Variants in ARSB observed in about 807,000 individuals in gnomAD.
ARSB encodes the protein N-acetylgalactosamine-4-sulfatase.
Under a neutral mutation model 50.9 loss-of-function variants are expected in ARSB, and 41 were observed. The observed-to-expected ratio is 0.81, with a 90% CI of 0.63 to 1.04. The LOEUF is 1.04. Ranked by LOEUF, ARSB falls within the 50% of genes least tolerant of loss-of-function variation. The pLI is 0.00. For missense variants in ARSB, 672 were observed against 693.3 expected (o/e 0.97, Z 0.35); for synonymous variants, 269 against 284.8 (o/e 0.94, Z 0.56).
chr5:78,892,583 T>C (rs1450031020), intron 4 of ARSB, among the ~76,000 whole-genome samples: 1 of 152,184 alleles, frequency 6.6e-6, no homozygotes, highest in African/African-American at 2.4e-5. Context: ...AGGTAATTTC[T>C]TGAGAAGTGC....
chr5:78,931,524 T>C (rs1580078595), intron 4 of ARSB, among the ~76,000 whole-genome samples: 2 of 152,052 alleles, frequency 1.3e-5, no homozygotes, highest in African/African-American at 4.8e-5. Flanking sequence ...ATTTCACTGC[T>C]CATTAATATT....
intron 4 of ARSB, among the ~76,000 whole-genome samples, chr5:78,933,687 A>T (rs558146962): frequency 6.6e-6 from 1 of 152,148 alleles, no homozygotes; most frequent in East Asian, 1.9e-4. Flanking sequence ...AAGAATACTA[A>T]AAAATTTCAA....
chr5:78,846,000 G>C (rs1289868147), intron 5 of ARSB, among the ~76,000 whole-genome samples: 1 of 152,004 alleles, frequency 6.6e-6, no homozygotes, highest in Admixed American at 6.6e-5. Flanking sequence ...TCTTTCAGGA[G>C]TTTCATAGCT....
chr5:78,913,335 A>G (rs1193836913), intron 4 of ARSB, among the ~76,000 whole-genome samples: 1 of 152,008 alleles, frequency 6.6e-6, no homozygotes, highest in Non-Finnish European at 1.5e-5. Context: ...CGTGTTAGCC[A>G]GGATGGTCTC....
At chr5:78,860,698 A>G (rs1746392529) in intron 5 of ARSB, among the ~76,000 whole-genome samples, 2 of 152,252 alleles carry the variant, frequency 1.3e-5, no homozygotes, top group Non-Finnish European at 2.9e-5. Flanking sequence ...CACAATTAAA[A>G]GAACTAAAGA....
In ARSB at chr5:78,777,787, G is replaced by A. The variant is rs2112613982; in HGVS notation, c.*2610C>T. 1 of 146,944 alleles carries A rather than the reference G, an allele frequency of 6.8e-6. No homozygotes were observed. Among genetic ancestry groups the A allele is most frequent in the South Asian group, 2.2e-4 (1 of 4,618 alleles). The allele number at this position is 146,944 out of a possible 1,614,324, so 9.1% of individuals were successfully genotyped here. A position where few individuals can be genotyped will look rare whatever the true frequency, so the allele number is the denominator to read the frequency against. The stretch of plus-strand genomic sequence containing the variant: ...GAATAGCTTGAACCTGGGAGTTAGA[G>A]GCTGCAGTGAGCCGAGATCACACCA... On this transcript the variant is annotated 3_prime_UTR_variant, in exon 8 of 8. Coordinates refer to ENST00000264914, the MANE Select transcript of ARSB (RefSeq NM_000046.5).
At chr5:78,916,186 T>C (rs1246329110) in intron 4 of ARSB, among the ~76,000 whole-genome samples, 1 of 152,210 alleles carries the variant, frequency 6.6e-6, no homozygotes, top group East Asian at 1.9e-4. Context: ...CTACCTTACA[T>C]TTCTTTTAAG....
At chr5:78,871,194 T>C (rs935610294) in intron 5 of ARSB, among the ~76,000 whole-genome samples, 1 of 151,600 alleles carries the variant, frequency 6.6e-6, no homozygotes, top group African/African-American at 2.4e-5. Flanking sequence ...GAACATTCCA[T>C]GCTCATGGGT....
intron 5 of ARSB, among the ~76,000 whole-genome samples, chr5:78,840,735 CA>C (rs1359180846): frequency 6.8e-6 from 1 of 147,944 alleles, no homozygotes; most frequent in Non-Finnish European, 1.5e-5. Context: ...GAGAAACATT[CA>C]GGGGTGCCCA....
chr5:78,982,348 T>A (rs163130), intron 1 of ARSB, among the ~76,000 whole-genome samples: 1 of 152,154 alleles, frequency 6.6e-6, no homozygotes, highest in Admixed American at 6.5e-5. Flanking sequence ...TTATTTTACA[T>A]GGAATATAGG....
intron 4 of ARSB, among the ~76,000 whole-genome samples, chr5:78,906,137 T>A (rs1045822272): frequency 6.6e-6 from 1 of 150,528 alleles, no homozygotes; most frequent in African/African-American, 2.5e-5. Context: ...GGCAACATAG[T>A]GTGATCCAAT....
chr5:78,907,668 T>C (rs1294301571), intron 4 of ARSB, among the ~76,000 whole-genome samples: 1 of 152,216 alleles, frequency 6.6e-6, no homozygotes, highest in East Asian at 1.9e-4. Flanking sequence ...AGGCTTTGCG[T>C]GGACTGCTCC....
chr5:78,790,459 C>T (rs1185151543), intron 6 of ARSB, among the ~76,000 whole-genome samples: 1 of 152,118 alleles, frequency 6.6e-6, no homozygotes, highest in Non-Finnish European at 1.5e-5. Context: ...ACTTCCCATG[C>T]CTCAGATTAC....
chr5:78,930,023 C>T (rs1302433874), intron 4 of ARSB, among the ~76,000 whole-genome samples: 1 of 152,116 alleles, frequency 6.6e-6, no homozygotes, highest in Non-Finnish European at 1.5e-5. Flanking sequence ...CCACTCCCTC[C>T]AGCGACTCAC....
intron 5 of ARSB, among the ~76,000 whole-genome samples, chr5:78,854,548 C>A (rs1746042426): frequency 6.6e-6 from 1 of 152,154 alleles, no homozygotes; most frequent in African/African-American, 2.4e-5. Context: ...TCAAAAGTTC[C>A]TCTTGTTATT....
chr5:78,783,160 A>G (rs575138805), intron 6 of ARSB, among the ~76,000 whole-genome samples: 3 of 152,204 alleles, frequency 2.0e-5, no homozygotes, highest in Non-Finnish European at 4.4e-5. Flanking sequence ...CACAGCAATC[A>G]TCTTGGGATC....
chr5:78,812,031 T>G (rs992151447), intron 6 of ARSB, among the ~76,000 whole-genome samples: 8 of 152,176 alleles, frequency 5.3e-5, no homozygotes, highest in African/African-American at 1.9e-4. Context: ...TCCACTTGAC[T>G]GTTCAAGCAA....
intron 6 of ARSB, among the ~76,000 whole-genome samples, chr5:78,795,577 C>G (rs114899154): frequency 0.014 from 2,171 of 152,304 alleles, 34 homozygotes; most frequent in Non-Finnish European, 0.024. Context: ...GAACTTGAAC[C>G]TGGTTGCTGC....
At chr5:78,860,117 G>A (rs1402968664) in intron 5 of ARSB, among the ~76,000 whole-genome samples, 2 of 152,202 alleles carry the variant, frequency 1.3e-5, no homozygotes, top group African/African-American at 4.8e-5. Context: ...GGGGTGCAGA[G>A]TTCTGTAGAT....
Sources: allele counts gnomAD v4.1 joint callset (sites outside exome capture counted in the v4.1 genomes callset), GRCh38; gene constraint gnomAD v4.1.1; transcripts MANE v1.5; gene names NCBI Gene and HGNC (gene_info 2026-07-23, HGNC 2026-07-21).